UNC13A: variants seen among roughly 807,000 people sequenced by gnomAD.
The protein encoded by UNC13A is unc-13 homolog A.
A neutral mutation model predicts 219.7 loss-of-function variants in UNC13A; 61 were observed. The observed-to-expected ratio is 0.28, with a 90% CI of 0.23 to 0.34. The LOEUF (loss-of-function observed/expected upper bound fraction) is 0.34, where lower values mean the gene tolerates loss of function less well. Ranked by LOEUF, UNC13A falls within the 10% of genes least tolerant of loss-of-function variation. The probability of loss-of-function intolerance (pLI) is 1.00; values close to 1 mark genes in which losing one functional copy is unlikely to be tolerated. For missense variants in UNC13A, 1,476 were observed against 2,270.3 expected (o/e 0.65, Z 7.11); for synonymous variants, 920 against 884.6 (o/e 1.04, Z -0.71).
chr19:17,653,725 G>C (rs553091760), intron 11 of UNC13A, among the ~76,000 whole-genome samples: 1 of 151,764 alleles, frequency 6.6e-6, no homozygotes, highest in Non-Finnish European at 1.5e-5. Flanking sequence ...ACTCCTGAGT[G>C]CAAGTGAGCC....
At chr19:17,622,419 A>G (rs1229585225) in intron 36 of UNC13A, 1 of 153,572 alleles carries the variant, frequency 6.5e-6, no homozygotes, top group African/African-American at 2.4e-5. Context: ...AAGGCCTGGC[A>G]TATGGGGAGT....
intron 6 of UNC13A, among the ~76,000 whole-genome samples, chr19:17,667,474 T>C (rs1486678235): frequency 6.6e-6 from 1 of 152,024 alleles, no homozygotes; most frequent in Non-Finnish European, 1.5e-5. Context: ...TTATTATTAT[T>C]ATCAATATTA....
chr19:17,611,753 G>C lies in UNC13A; in HGVS notation c.4651+10C>G. ...AACCTAGCAAGTCCCTCCCACCTCAGACCACTCACCTTTCACTGTGACCTT... is the reference window on the plus strand; with the variant it reads ...AACCTAGCAAGTCCCTCCCACCTCACACCACTCACCTTTCACTGTGACCTT... On this transcript the variant is annotated intron_variant, in intron 42 of 43. Coordinates refer to ENST00000519716, the MANE Select transcript of UNC13A (RefSeq NM_001080421.3). 6.2e-7 allele frequency: 1 copy of C among 1,613,424 alleles called. No individual in the cohort carries two copies. The highest frequency in any genetic ancestry group is 8.5e-7 in the Non-Finnish European group (1 of 1,179,388).
intron 12 of UNC13A, among the ~76,000 whole-genome samples, chr19:17,651,648 A>G (rs1027717378): frequency 2.0e-5 from 3 of 152,168 alleles, no homozygotes; most frequent in African/African-American, 7.2e-5. Context: ...AGAGACTCCT[A>G]AACCACATCT....
intron 26 of UNC13A, 130 bp from the exon 27 acceptor site, chr19:17,633,323 C>T (rs767712772): frequency 1.3e-4 from 93 of 741,164 alleles, no homozygotes; most frequent in Non-Finnish European, 1.8e-4. Flanking sequence ...TCCCTCATAG[C>T]CACTGCTGAC....
chr19:17,666,191 T>TTCTATCTCTCTCTCTCTC (rs2079643192), intron 7 of UNC13A, among the ~76,000 whole-genome samples: 1 of 42,978 alleles, frequency 2.3e-5, no homozygotes, highest in Non-Finnish European at 7.0e-5. Flanking sequence ...CTCTCTCTCT[T>TTCTATCTCTCTCTCTCTC]TCTCTCTTTC....
chr19:17,666,166 CCTTT>C (rs761447306), intron 7 of UNC13A, among the ~76,000 whole-genome samples: 2 of 71,108 alleles, frequency 2.8e-5, no homozygotes, highest in Non-Finnish European at 6.5e-5. Flanking sequence ...CTCCTTCCTT[CCTTT>C]CTTTCTTTCT....
chr19:17,625,980 T>A (rs528600710), intron 34 of UNC13A, among the ~76,000 whole-genome samples: 1 of 150,116 alleles, frequency 6.7e-6, no homozygotes, highest in East Asian at 2.0e-4. Flanking sequence ...TATGCATCAA[T>A]CCATCTATAC....
intron 19 of UNC13A, 32 bp downstream of exon 19, chr19:17,645,642 C>T (rs754563206): frequency 6.2e-7 from 1 of 1,612,874 alleles, no homozygotes; most frequent in South Asian, 1.1e-5. Flanking sequence ...TGGGACCCGT[C>T]CCCACCCGCT....
At chr19:17,609,086 T>C (rs2076573353) in intron 43 of UNC13A, among the ~76,000 whole-genome samples, 1 of 148,902 alleles carries the variant, frequency 6.7e-6, no homozygotes, top group Admixed American at 6.8e-5. Context: ...GCATCCCGAG[T>C]AGCTGGGATC....
intron 38 of UNC13A, 55 bp downstream of exon 38, chr19:17,620,633 AGGGGT>A: frequency 1.6e-6 from 2 of 1,270,254 alleles, no homozygotes; most frequent in East Asian, 5.0e-5. Flanking sequence ...AAGGGGGCAC[AGGGGT>A]GGGGTGGGGG....
chr19:17,608,270 A>T (rs1339775031), intron 43 of UNC13A, among the ~76,000 whole-genome samples: 1 of 140,396 alleles, frequency 7.1e-6, no homozygotes, highest in Non-Finnish European at 1.5e-5. Flanking sequence ...TATATAATAT[A>T]TATACTTTTA....
At chr19:17,672,049 G>T (rs2079798896) in intron 4 of UNC13A, among the ~76,000 whole-genome samples, 1 of 152,086 alleles carries the variant, frequency 6.6e-6, no homozygotes, top group Non-Finnish European at 1.5e-5. Flanking sequence ...CAAGGTGTTG[G>T]CCACATGTCT....
rs2076801689 is a variant in UNC13A, at chr19:17,627,992, C to A, written c.3754-52G>T. 1 of 1,519,654 alleles carries A rather than the reference C, an allele frequency of 6.6e-7. No individual in the cohort carries two copies. Among genetic ancestry groups the A allele is most frequent in the South Asian group, 1.2e-5 (1 of 86,906 alleles). 94.1% of individuals were successfully genotyped at this position (1,519,654 alleles called of 1,614,324 possible). On this transcript the variant is annotated intron_variant, in intron 31 of 43. Coordinates refer to ENST00000519716, the MANE Select transcript of UNC13A (RefSeq NM_001080421.3). This position sits in a 1 kb window ranked among gnomAD's most constrained non-coding sequence, Gnocchi z 4.7. ...CAAGCCTCAGGACCTCTCCCCAGAG[C>A]CTCCCCTACCCACCGCCAGGGACCT...
chr19:17,645,543 C>T, intron 19 of UNC13A, 131 bp downstream of exon 19: 1 of 1,334,472 alleles, frequency 7.5e-7, no homozygotes, highest in Non-Finnish European at 1.0e-6. Flanking sequence ...TAGACCCTGC[C>T]TCCCCCATCA....
intron 1 of UNC13A, among the ~76,000 whole-genome samples, chr19:17,687,940 C>CA (rs59651417): frequency 0.22 from 32,743 of 151,756 alleles, 4,193 homozygotes; most frequent in Middle Eastern, 0.36. Flanking sequence ...CCTCCGCGTT[C>CA]AGCCGCGTCC....
rs1430430295 is a variant in UNC13A, at chr19:17,674,047, G to A, written c.152+610C>T. The stretch of plus-strand genomic sequence containing the variant: ...ACAAACAAACAAAATTGGTGGCAAG[G>A]CCTGGGAAGGCATGATGCCCTGAAA... On this transcript the variant is annotated intron_variant, in intron 3 of 43. Transcript: ENST00000519716. The surrounding 1 kb of genome is among the most constrained non-coding windows in gnomAD (Gnocchi z 5.0). Among the ~76,000 whole-genome samples, 5 of 152,214 alleles carry A rather than the reference G, an allele frequency of 3.3e-5. No homozygotes were observed. The highest frequency in any genetic ancestry group is 4.8e-5 in the African/African-American group (2 of 41,456).
chr19:17,625,739 T>TC (rs1434311813), intron 34 of UNC13A, among the ~76,000 whole-genome samples: 2 of 147,342 alleles, frequency 1.4e-5, no homozygotes, highest in Non-Finnish European at 3.0e-5. Flanking sequence ...CCCCCATCTG[T>TC]CCAACCATTT....
chr19:17,606,239 G>C lies in UNC13A; in HGVS notation c.4927C>G (p.Leu1643Val), dbSNP rs1391565838. 2 of 1,548,602 alleles carry C rather than the reference G, an allele frequency of 1.3e-6. No individual in the cohort carries two copies. Among genetic ancestry groups the C allele is most frequent in the Middle Eastern group, 1.7e-4 (1 of 5,888 alleles). Residue 1643 changes from leucine to valine, a missense_variant, in exon 44 of 44, where the codon CTG (leucine) becomes GTG (valine). Transcript: ENST00000519716. ...VGLAVLQLRE[L>V]AQRGSAACWL... ...CAGGCGGCGCTCCCGCGCTGGGCCA[G>C]CTCACGCAGCTGCAGCACGGCCAGC...
Sources: allele counts gnomAD v4.1 joint callset (sites outside exome capture counted in the v4.1 genomes callset), GRCh38; gene constraint gnomAD v4.1.1; non-coding constraint Gnocchi (gnomAD v3.1); transcripts MANE v1.5; gene names NCBI Gene and HGNC (gene_info 2026-07-23, HGNC 2026-07-21).